DCUN1D3: variants seen among roughly 807,000 people sequenced by gnomAD.
DCUN1D3 encodes the protein DCN1-like protein 3.
Under a neutral mutation model 24.8 loss-of-function variants are expected in DCUN1D3, and 6 were observed. That is an observed-to-expected ratio of 0.24 (90% CI 0.13 to 0.48). The LOEUF (loss-of-function observed/expected upper bound fraction) is 0.48. DCUN1D3 is among the 20% of genes least tolerant of loss of function. DCUN1D3 has a pLI of 0.99. For synonymous variants in DCUN1D3, 120 were observed against 144.9 expected (o/e 0.83, Z 1.24); for missense variants, 258 against 379.4 (o/e 0.68, Z 2.66).
Position 20,862,243 on chromosome 16 carries a change from T to C in DCUN1D3, c.296A>G (p.Lys99Arg), listed in dbSNP as rs529534017. Residue 99 changes from lysine to arginine, a missense_variant, in exon 2 of 3, where the codon AAG becomes AGG. Lys to Arg is a conservative substitution (Grantham distance 26, BLOSUM62 2). Transcript: ENST00000324344. The stretch of plus-strand genomic sequence containing the variant: ...CAAAATTGCATCTTCCCGCTCATCC[T>C]TGTAGCGCCTGAACAGTTCTTCCAA... ...QRLEELFRRYKDEREDAILEE... is the reference protein window; with the variant it reads ...QRLEELFRRYRDEREDAILEE... 53 of 1,614,256 alleles carry C rather than the reference T, an allele frequency of 3.3e-5. No homozygotes were observed. The South Asian group carries it at 5.5e-4, about 17-fold the overall frequency.
At chr16:20,886,268 C>G (rs747193886) in intron 1 of DCUN1D3, among the ~76,000 whole-genome samples, 13 of 152,184 alleles carry the variant, frequency 8.5e-5, no homozygotes, top group Non-Finnish European at 1.9e-4. Context: ...GTGGCCATCA[C>G]CACAAAGACT....
intron 1 of DCUN1D3, among the ~76,000 whole-genome samples, chr16:20,895,277 T>TA (rs11438261): frequency 0.98 from 149,087 of 152,254 alleles, 73,020 homozygotes; most frequent in East Asian, 1. Context: ...TTAAATTTTT[T>TA]TAGAGACAGG....
At chr16:20,878,099 C>A (rs1260410340) in intron 1 of DCUN1D3, among the ~76,000 whole-genome samples, 4 of 152,122 alleles carry the variant, frequency 2.6e-5, no homozygotes, top group Non-Finnish European at 4.4e-5. Context: ...CTGGGCCCAG[C>A]CCTGATTCTT....
chr16:20,873,399 T>TAGA (rs1365765723), intron 1 of DCUN1D3, among the ~76,000 whole-genome samples: 1 of 152,098 alleles, frequency 6.6e-6, no homozygotes, highest in Non-Finnish European at 1.5e-5. Context: ...ACATCAGGGG[T>TAGA]AGAAGGGTCT....
At chr16:20,879,250 T>TA (rs1159835690) in intron 1 of DCUN1D3, among the ~76,000 whole-genome samples, 5 of 152,202 alleles carry the variant, frequency 3.3e-5, no homozygotes, top group African/African-American at 9.7e-5. Context: ...CAGTGAGTCA[T>TA]AAAAAATAGT....
At chr16:20,874,841 T>A (rs2081805830) in intron 1 of DCUN1D3, among the ~76,000 whole-genome samples, 1 of 152,174 alleles carries the variant, frequency 6.6e-6, no homozygotes, top group Non-Finnish European at 1.5e-5. Flanking sequence ...TTAAGTTACT[T>A]ATTTTCACAA....
Position 20,860,300 on chromosome 16 carries a change from A to C in DCUN1D3, c.501T>G (p.Pro167=). 6.2e-7 allele frequency: 1 copy of C among 1,614,212 alleles called. No individual in the cohort carries two copies. The highest frequency in any genetic ancestry group is 1.6e-4 in the Middle Eastern group (1 of 6,062). Residue 167 remains proline, a synonymous_variant, in exon 3 of 3, where the codon CCT becomes CCG. Transcript: ENST00000324344. The surrounding 1 kb of genome is among the most constrained non-coding windows in gnomAD (Gnocchi z 4.3). ...CTTGTTTGGCTTCTGTTAAGAGGCTAGGGAACCGTGCACAGATTCCGTCAA... is the reference window on the plus strand; with the variant it reads ...CTTGTTTGGCTTCTGTTAAGAGGCTCGGGAACCGTGCACAGATTCCGTCAA... ...DSIDGICARF[P]SLLTEAKQED... is the part of the protein sequence containing the mutation.
chr16:20,859,577 A>C lies in DCUN1D3; in HGVS notation c.*309T>G, dbSNP rs1382979146. On this transcript the variant is annotated 3_prime_UTR_variant, in exon 3 of 3. Transcript: ENST00000324344. ...AAAAAAAACAAAAAAAAACAAAAAAAAAACCTAAATTTGTGCAAGAAATGG... is the reference window on the plus strand; with the variant it reads ...AAAAAAAACAAAAAAAAACAAAAAACAAACCTAAATTTGTGCAAGAAATGG... 1.3e-5 allele frequency: 3 copies of C among 234,936 alleles called. No homozygotes were observed. The highest frequency in any genetic ancestry group is 6.8e-5 in the African/African-American group (3 of 43,870). 14.6% of individuals were successfully genotyped at this position (234,936 alleles called of 1,614,324 possible). A position where few individuals can be genotyped will look rare whatever the true frequency, so the allele number is the denominator to read the frequency against.
At chr16:20,890,335 A>G (rs1047230344) in intron 1 of DCUN1D3, among the ~76,000 whole-genome samples, 4 of 152,086 alleles carry the variant, frequency 2.6e-5, no homozygotes, top group African/African-American at 9.7e-5. Flanking sequence ...TGCGTAAGTA[A>G]TATGTGGGAT....
intron 1 of DCUN1D3, among the ~76,000 whole-genome samples, chr16:20,883,283 C>T (rs920963521): frequency 2.0e-5 from 3 of 152,074 alleles, no homozygotes; most frequent in Non-Finnish European, 2.9e-5. Context: ...GAGGCCGAGG[C>T]GGACGGATCA....
At chr16:20,885,732 T>G (rs192420869) in intron 1 of DCUN1D3, among the ~76,000 whole-genome samples, 1 of 152,198 alleles carries the variant, frequency 6.6e-6, no homozygotes, top group African/African-American at 2.4e-5. Context: ...ATGAGCAATA[T>G]GACAAAGTGA....
In DCUN1D3 at chr16:20,872,993, G is replaced by A. The variant is rs1007509010; in HGVS notation, c.-105-10350C>T. On this transcript the variant is annotated intron_variant, in intron 1 of 2. Transcript: ENST00000324344. Reference sequence around the variant, plus strand: ...TAGCTGGGCATGGTGGCACATGCCTGTAATCCCAGCTACTTGGGAACCTGA... The same window carrying A: ...TAGCTGGGCATGGTGGCACATGCCTATAATCCCAGCTACTTGGGAACCTGA... Among the ~76,000 whole-genome samples, 5 of 152,136 alleles carry A rather than the reference G, an allele frequency of 3.3e-5. 1 individual carries two copies. The South Asian group carries it at 6.2e-4, about 19-fold the overall frequency.
chr16:20,896,776 A>C (rs1014874662), intron 1 of DCUN1D3, among the ~76,000 whole-genome samples: 26 of 152,344 alleles, frequency 1.7e-4, no homozygotes, highest in African/African-American at 5.8e-4. Context: ...AACAAATCTC[A>C]CTACCAATTC....
chr16:20,886,013 C>T (rs371112916), intron 1 of DCUN1D3, among the ~76,000 whole-genome samples: 3 of 147,976 alleles, frequency 2.0e-5, no homozygotes, highest in South Asian at 2.1e-4. Context: ...TCCAGGTAGC[C>T]GGGAAACTGC....
At chr16:20,876,492 A>C (rs2081816360) in intron 1 of DCUN1D3, among the ~76,000 whole-genome samples, 2 of 152,132 alleles carry the variant, frequency 1.3e-5, no homozygotes, top group South Asian at 4.1e-4. Flanking sequence ...GAACCCTCGT[A>C]TACTGTTGGT....
At chr16:20,861,050 T>G (rs1355647124) in intron 2 of DCUN1D3, among the ~76,000 whole-genome samples, 1 of 152,172 alleles carries the variant, frequency 6.6e-6, no homozygotes, top group Non-Finnish European at 1.5e-5. Flanking sequence ...CTACAAATTG[T>G]ATGGCTAGGC....
intron 1 of DCUN1D3, among the ~76,000 whole-genome samples, chr16:20,865,096 T>C (rs1338271525): frequency 6.6e-6 from 1 of 151,556 alleles, no homozygotes; most frequent in Non-Finnish European, 1.5e-5. Context: ...CCATGACACA[T>C]GTTTACCTGT....
intron 1 of DCUN1D3, among the ~76,000 whole-genome samples, chr16:20,868,344 C>T (rs1262356954): frequency 1.3e-5 from 2 of 152,214 alleles, no homozygotes; most frequent in African/African-American, 4.8e-5. Flanking sequence ...GGAAACTAAA[C>T]ACAGACAAAC....
rs551075984 is a variant in DCUN1D3 at position 20,892,800 on chromosome 16, T to C, written c.-106+7404A>G. On this transcript the variant is annotated intron_variant, in intron 1 of 2. Transcript: ENST00000324344. ...CTTACAGGGATAATGCCTCAACTCC[T>C]ATTTGAATGTAATATGGTCACTTTC... 1.8e-4 allele frequency among the ~76,000 whole-genome samples: 27 copies of C among 152,334 alleles called. No homozygotes were observed. The South Asian group carries it at 5.4e-3, about 30-fold the overall frequency.
Sources: gnomAD v4.1 joint callset for allele counts (sites outside exome capture counted in the v4.1 genomes callset) on GRCh38, gnomAD v4.1.1 for gene constraint, Gnocchi (gnomAD v3.1) non-coding constraint, MANE v1.5 for transcripts, NCBI Gene and HGNC (gene_info 2026-07-23, HGNC 2026-07-21) for gene names.